The following EYA4 variants were observed in gnomAD, a reference collection of about 807,000 sequenced individuals.
The protein encoded by EYA4 is EYA transcriptional coactivator and phosphatase 4.
Under a neutral mutation model 87.9 loss-of-function variants are expected in EYA4, and 31 were observed. That is an observed-to-expected ratio of 0.35 (90% confidence interval 0.27 to 0.48). The LOEUF is 0.48. Among genes scored for constraint, EYA4 ranks in the 20% least tolerant of loss-of-function variants. The probability of loss-of-function intolerance (pLI) is 0.99; values close to 1 mark genes in which losing one functional copy is unlikely to be tolerated. For synonymous variants in EYA4, 263 were observed against 270.6 expected, an observed-to-expected ratio of 0.97 and a Z score of 0.28; for missense variants, 678 against 761.4, an observed-to-expected ratio of 0.89 and a Z score of 1.29.
At position 133,345,972 on chromosome 6, in the gene EYA4, A is replaced by G. The variant is rs376257690; in HGVS notation, c.34-36420A>G. Among the ~76,000 whole-genome samples, 7 of 152,282 alleles carry G rather than the reference A, an allele frequency of 4.6e-5. 1 individual carries two copies. The highest frequency in any genetic ancestry group is 6.5e-5 in the Admixed American group (1 of 15,290). ...TGGAGTGGAAGACTTGATCGTGGGC[A>G]GACTAGCAATTAAAGATCATGAAAG... On this transcript the variant is annotated intron_variant, in intron 2 of 19. Transcript: ENST00000355286.
At chr6:133,411,531 A>G (rs1045784605) in intron 3 of EYA4, among the ~76,000 whole-genome samples, 5 of 151,698 alleles carry the variant, frequency 3.3e-5, no homozygotes, top group African/African-American at 1.2e-4. Context: ...TTTTCCATAT[A>G]TGTGTGTGTG....
intron 3 of EYA4, among the ~76,000 whole-genome samples, chr6:133,442,817 G>A (rs1361007549): frequency 2.0e-5 from 3 of 151,776 alleles, no homozygotes; most frequent in African/African-American, 7.3e-5. Context: ...ATCAGACAGA[G>A]GAAAAATACT....
chr6:133,271,172 T>C (rs1273364290), intron 1 of EYA4, among the ~76,000 whole-genome samples: 1 of 152,114 alleles, frequency 6.6e-6, no homozygotes, highest in Non-Finnish European at 1.5e-5. Flanking sequence ...TGCCATATAT[T>C]GGATGCTGAT....
chr6:133,355,551 G>T (rs1397831280), intron 2 of EYA4, among the ~76,000 whole-genome samples: 1 of 152,126 alleles, frequency 6.6e-6, no homozygotes, highest in Admixed American at 6.5e-5. Flanking sequence ...GGAGCTAGAG[G>T]CCACTATCCT....
intron 3 of EYA4, among the ~76,000 whole-genome samples, chr6:133,388,501 A>G (rs1786968588): frequency 6.6e-6 from 1 of 151,690 alleles, no homozygotes; most frequent in Admixed American, 6.6e-5. Flanking sequence ...CTCATTGGGA[A>G]CTCCTGGTAA....
intron 2 of EYA4, among the ~76,000 whole-genome samples, chr6:133,282,065 G>A (rs9493580): frequency 0.25 from 37,798 of 151,964 alleles, 5,676 homozygotes; most frequent in East Asian, 0.48. Context: ...TGTGAATAAT[G>A]TCTTTCTGAT....
chr6:133,385,352 A>T (rs212816), intron 3 of EYA4, among the ~76,000 whole-genome samples: 92,703 of 127,942 alleles, frequency 0.72, 35,154 homozygotes, highest in Middle Eastern at 0.85. Context: ...ATATATATAT[A>T]TTTTTTCTCT....
chr6:133,278,838 A>C (rs1041453162), intron 2 of EYA4, among the ~76,000 whole-genome samples: 2 of 152,166 alleles, frequency 1.3e-5, no homozygotes, highest in African/African-American at 2.4e-5. Flanking sequence ...AGAGCTTCAT[A>C]ATTCTTTAGA....
intron 3 of EYA4, among the ~76,000 whole-genome samples, chr6:133,436,008 C>G (rs908690446): frequency 5.9e-5 from 9 of 152,074 alleles, no homozygotes; most frequent in African/African-American, 2.2e-4. Flanking sequence ...ATCAGGAGGT[C>G]AGGAGTTCGA....
rs554353878 is a variant in EYA4, at chr6:133,282,280, C to T, written c.33+7467C>T. Among the ~76,000 whole-genome samples, 7 of 152,214 alleles carry T rather than the reference C, an allele frequency of 4.6e-5. No homozygotes were observed. The East Asian group carries it at 7.7e-4, about 17-fold the overall frequency. On this transcript the variant is annotated intron_variant, in intron 2 of 19. Coordinates refer to ENST00000355286, the MANE Select transcript of EYA4 (RefSeq NM_004100.5). ...TATGTTTTGACTTGTTAATAATAGC[C>T]ATTCTGACTGGTGTGAGATGGTATT...
intron 13 of EYA4, among the ~76,000 whole-genome samples, chr6:133,485,141 C>G (rs566368658): frequency 2.0e-5 from 3 of 152,184 alleles, no homozygotes; most frequent in African/African-American, 4.8e-5. Flanking sequence ...AGCACTGCTG[C>G]GTCATGGAAA....
At chr6:133,253,966 CA>C (rs1775133249) in intron 1 of EYA4, among the ~76,000 whole-genome samples, 2 of 152,152 alleles carry the variant, frequency 1.3e-5, no homozygotes, top group Admixed American at 1.3e-4. Context: ...CATTAGGTCC[CA>C]AACCAGACAT....
chr6:133,355,069 G>A (rs1472602885), intron 2 of EYA4, among the ~76,000 whole-genome samples: 1 of 152,102 alleles, frequency 6.6e-6, no homozygotes, highest in Non-Finnish European at 1.5e-5. Flanking sequence ...TTGAAAAATA[G>A]TTTCTTTTTC....
At chr6:133,445,617 C>T (rs1418123933) in intron 3 of EYA4, among the ~76,000 whole-genome samples, 24 of 149,000 alleles carry the variant, frequency 1.6e-4, no homozygotes, top group African/African-American at 2.5e-4. Context: ...CTCGCTCTGT[C>T]GCTCCGGCTG....
intron 2 of EYA4, among the ~76,000 whole-genome samples, chr6:133,318,502 G>A (rs560973434): frequency 4.6e-5 from 7 of 152,060 alleles, no homozygotes; most frequent in Admixed American, 2.6e-4. Context: ...CTTCATCTTC[G>A]TATCTATTCT....
intron 4 of EYA4, 70 bp from the exon 5 acceptor site, chr6:133,448,041 C>A: frequency 8.5e-7 from 1 of 1,174,026 alleles, no homozygotes; most frequent in South Asian, 1.2e-5. Flanking sequence ...CCAGTGCAAG[C>A]ATTGAAGATT....
intron 3 of EYA4, among the ~76,000 whole-genome samples, chr6:133,388,617 G>A (rs1446166679): frequency 6.6e-6 from 1 of 151,954 alleles, no homozygotes; most frequent in Non-Finnish European, 1.5e-5. Context: ...TAAATGAATG[G>A]GCAAATGAGA....
At chr6:133,494,680 A>C (rs1222572298) in intron 13 of EYA4, among the ~76,000 whole-genome samples, 1 of 151,334 alleles carries the variant, frequency 6.6e-6, no homozygotes, top group Non-Finnish European at 1.5e-5. Flanking sequence ...TCTACAAAAA[A>C]AAAAAAAGTG....
At chr6:133,305,962 TTATC>T (rs67027792) in intron 2 of EYA4, among the ~76,000 whole-genome samples, 3,805 of 147,048 alleles carry the variant, frequency 0.026, 137 homozygotes, top group African/African-American at 0.088. Flanking sequence ...GTAATAATGA[TTATC>T]TATGTGCTTA....
Sources: gnomAD v4.1 joint callset for allele counts (sites outside exome capture counted in the v4.1 genomes callset) on GRCh38, gnomAD v4.1.1 for gene constraint, MANE v1.5 for transcripts, NCBI Gene and HGNC (gene_info 2026-07-23, HGNC 2026-07-21) for gene names.